CSGALNACT1: variants seen among roughly 807,000 people sequenced by gnomAD.
CSGALNACT1 encodes chondroitin sulfate N-acetylgalactosaminyltransferase 1.
Under a neutral mutation model 51.0 loss-of-function variants are expected in CSGALNACT1, and 52 were observed. The observed-to-expected ratio is 1.02, with a 90% CI of 0.82 to 1.29. The LOEUF (loss-of-function observed/expected upper bound fraction) is 1.29, where lower values mean the gene tolerates loss of function less well. Among genes scored for constraint, CSGALNACT1 ranks in the 50% most tolerant of loss-of-function variants. The probability of loss-of-function intolerance (pLI) is 0.00; values close to 1 mark genes in which losing one functional copy is unlikely to be tolerated. For synonymous variants in CSGALNACT1, 341 were observed against 254.4 expected, an observed-to-expected ratio of 1.34 and a Z score of -3.24; for missense variants, 935 against 679.2, an observed-to-expected ratio of 1.38 and a Z score of -4.19.
At chr8:19,508,313 C>T (rs2077769291) in intron 3 of CSGALNACT1, among the ~76,000 whole-genome samples, 1 of 152,200 alleles carries the variant, frequency 6.6e-6, no homozygotes, top group African/African-American at 2.4e-5. Context: ...TTAGTGATAT[C>T]ACTATGCCAT....
chr8:19,749,091 C>T (rs9644633), intron 1 of CSGALNACT1, among the ~76,000 whole-genome samples: 27,109 of 152,022 alleles, frequency 0.18, 2,554 homozygotes, highest in African/African-American at 0.23. Context: ...TCATTCATTC[C>T]GAGATTTTTT....
intron 5 of CSGALNACT1, among the ~76,000 whole-genome samples, chr8:19,442,093 A>G (rs1330691477): frequency 5.9e-5 from 9 of 152,174 alleles, no homozygotes; most frequent in Admixed American, 1.3e-4. Flanking sequence ...GATGTGGAGA[A>G]ATAGGAACAC....
At chr8:19,511,189 C>G (rs989894204) in intron 3 of CSGALNACT1, among the ~76,000 whole-genome samples, 67 of 152,220 alleles carry the variant, frequency 4.4e-4, no homozygotes, top group African/African-American at 1.6e-3. Context: ...ATAAAGGCAA[C>G]TATTCAAGGA....
intron 4 of CSGALNACT1, among the ~76,000 whole-genome samples, chr8:19,483,075 T>C (rs1168807193): frequency 1.3e-5 from 2 of 152,188 alleles, no homozygotes; most frequent in East Asian, 1.9e-4. Context: ...GCCCCATGGG[T>C]TCTGATCCCT....
intron 1 of CSGALNACT1, among the ~76,000 whole-genome samples, chr8:19,709,257 C>G (rs1241033037): frequency 6.6e-6 from 1 of 152,128 alleles, no homozygotes. Context: ...CTCAGTATCC[C>G]TTCAATGCAT....
chr8:19,414,924 G>A (rs756134176), intron 8 of CSGALNACT1, among the ~76,000 whole-genome samples: 22 of 152,284 alleles, frequency 1.4e-4, no homozygotes, highest in Non-Finnish European at 2.8e-4. Context: ...ATTACTAACT[G>A]ATCCATCTCC....
chr8:19,458,500 G>C (rs1217162655), exon 5 of CSGALNACT1: 13 of 1,613,958 alleles, frequency 8.1e-6, no homozygotes, highest in South Asian at 1.1e-5. Flanking sequence ...TAAGCGTGTT[G>C]GCCATGTTGA....
intron 3 of CSGALNACT1, among the ~76,000 whole-genome samples, chr8:19,519,747 G>T (rs541780582): frequency 6.6e-6 from 1 of 152,274 alleles, no homozygotes; most frequent in East Asian, 1.9e-4. Flanking sequence ...GTCTTCTTGG[G>T]CACTTGCAGT....
At position 19,514,475 on chromosome 8, in the gene CSGALNACT1, C is replaced by CTATATATATATATATATATA. The variant is rs33928915; in HGVS notation, c.-296-8365_-296-8346dup. 1.6e-3 allele frequency among the ~76,000 whole-genome samples: 127 copies of CTATATATATATATATATATA among 78,742 alleles called. 3 individuals are homozygous for CTATATATATATATATATATA. Among genetic ancestry groups the CTATATATATATATATATATA allele is most frequent in the African/African-American group, 2.2e-3 (36 of 16,726 alleles). 51.7% of individuals were successfully genotyped at this position (78,742 alleles called of 152,430 possible). A position where few individuals can be genotyped will look rare whatever the true frequency, so the allele number is the denominator to read the frequency against. ...GCATCATATGACTTTTGAACAGAGA[C>CTATATATATATATATATATA]TATATATATATATATATATATATAT... On this transcript the variant is annotated intron_variant, in intron 3 of 9. Coordinates refer to ENST00000454498, the Ensembl canonical transcript of CSGALNACT1.
intron 6 of CSGALNACT1, among the ~76,000 whole-genome samples, chr8:19,429,880 G>A (rs1028961237): frequency 6.6e-6 from 1 of 152,218 alleles, no homozygotes; most frequent in Non-Finnish European, 1.5e-5. Flanking sequence ...TGCCTCCTCA[G>A]AGACACTTGT....
intron 3 of CSGALNACT1, among the ~76,000 whole-genome samples, chr8:19,540,427 G>A (rs1260756296): frequency 6.6e-6 from 1 of 152,142 alleles, no homozygotes; most frequent in African/African-American, 2.4e-5. Flanking sequence ...TCACTGTGTG[G>A]ATACAAAAGT....
At chr8:19,539,419 C>T (rs576040135) in intron 3 of CSGALNACT1, among the ~76,000 whole-genome samples, 28 of 152,306 alleles carry the variant, frequency 1.8e-4, no homozygotes, top group African/African-American at 6.7e-4. Context: ...GAACAGGGAT[C>T]TTCCAAGTCC....
chr8:19,475,069 G>A (rs1274748174), intron 4 of CSGALNACT1, among the ~76,000 whole-genome samples: 1 of 152,114 alleles, frequency 6.6e-6, no homozygotes, highest in East Asian at 1.9e-4. Context: ...CTGCTGGGGA[G>A]ATTTTGAGAA....
At chr8:19,559,763 A>G (rs1446812317) in intron 3 of CSGALNACT1, among the ~76,000 whole-genome samples, 2 of 152,246 alleles carry the variant, frequency 1.3e-5, no homozygotes, top group Non-Finnish European at 1.5e-5. Flanking sequence ...TCTGAGGAAG[A>G]AAACAATAAA....
At chr8:19,441,544 C>T (rs1293798297) in intron 5 of CSGALNACT1, among the ~76,000 whole-genome samples, 2 of 152,286 alleles carry the variant, frequency 1.3e-5, no homozygotes, top group East Asian at 3.9e-4. Context: ...GGATCCCTTC[C>T]TTACACCTTA....
At chr8:19,597,267 G>GCTGC (rs1292515039) in intron 2 of CSGALNACT1, among the ~76,000 whole-genome samples, 1 of 144,456 alleles carries the variant, frequency 6.9e-6, no homozygotes, top group African/African-American at 2.6e-5. Context: ...TTGGGTTGGG[G>GCTGC]CTGCCTCTAT....
At chr8:19,442,469 G>A (rs1312829495) in intron 5 of CSGALNACT1, among the ~76,000 whole-genome samples, 1 of 150,440 alleles carries the variant, frequency 6.6e-6, no homozygotes, top group Non-Finnish European at 1.5e-5. Flanking sequence ...CTATCATAAG[G>A]ACAAAAAACC....
chr8:19,514,415 C>G (rs1046524657), intron 3 of CSGALNACT1, among the ~76,000 whole-genome samples: 10 of 141,400 alleles, frequency 7.1e-5, no homozygotes, highest in Non-Finnish European at 1.5e-4. Context: ...CCAGCTGTCT[C>G]CAAACATTAA....
At chr8:19,641,751 A>T (rs1209102881) in intron 1 of CSGALNACT1, 1 of 152,228 alleles carries the variant, frequency 6.6e-6, no homozygotes, top group Non-Finnish European at 1.5e-5. Context: ...GAAGAGGCAG[A>T]AAGTGACTGA....
Sources: allele counts gnomAD v4.1 joint callset (sites outside exome capture counted in the v4.1 genomes callset), GRCh38; gene constraint gnomAD v4.1.1; transcripts MANE v1.5; gene names NCBI Gene and HGNC (gene_info 2026-07-23, HGNC 2026-07-21).